Variants in CNOT4 observed in about 807,000 individuals in gnomAD.
The protein encoded by CNOT4 is CCR4-associated factor 4.
Under a neutral mutation model 73.8 loss-of-function variants are expected in CNOT4, and 8 were observed. That is an observed-to-expected ratio of 0.11 (90% CI 0.06 to 0.20). The LOEUF (loss-of-function observed/expected upper bound fraction) is 0.20. Among genes scored for constraint, CNOT4 ranks in the 10% least tolerant of loss-of-function variants. The probability of loss-of-function intolerance (pLI) is 1.00; values close to 1 mark genes in which losing one functional copy is unlikely to be tolerated. For missense variants in CNOT4, 564 were observed against 883.4 expected, an observed-to-expected ratio of 0.64 and a Z score of 4.58; for synonymous variants, 293 against 321.1, an observed-to-expected ratio of 0.91 and a Z score of 0.94.
chr7:135,391,546 T>C (rs985414703), intron 10 of CNOT4, among the ~76,000 whole-genome samples: 1 of 151,656 alleles, frequency 6.6e-6, no homozygotes, highest in African/African-American at 2.4e-5. Context: ...AAAAAAAAGG[T>C]TTTAATGCTC....
intron 1 of CNOT4, among the ~76,000 whole-genome samples, chr7:135,456,273 T>C (rs1009435492): frequency 1.3e-5 from 2 of 152,164 alleles, no homozygotes; most frequent in African/African-American, 4.8e-5. Context: ...TCTACCATTC[T>C]CTCATGCCTC....
intron 10 of CNOT4, among the ~76,000 whole-genome samples, chr7:135,374,641 TC>T (rs1795417055): frequency 5.7e-5 from 1 of 17,574 alleles, no homozygotes; most frequent in African/African-American, 1.2e-4. Context: ...AAATTAAAAC[TC>T]TTAACATTCT....
intron 1 of CNOT4, among the ~76,000 whole-genome samples, chr7:135,496,548 A>T (rs1019505260): frequency 6.6e-6 from 1 of 152,008 alleles, no homozygotes; most frequent in Non-Finnish European, 1.5e-5. Context: ...CGAACTTCGT[A>T]TTGGACTATG....
intron 10 of CNOT4, chr7:135,387,477 C>T (rs953228726): frequency 1.7e-5 from 17 of 979,910 alleles, no homozygotes; most frequent in Non-Finnish European, 1.9e-5. Context: ...TAAGTACCAT[C>T]TCCTAATAAC....
At chr7:135,422,842 C>A (rs1716093273) in intron 2 of CNOT4, among the ~76,000 whole-genome samples, 1 of 152,154 alleles carries the variant, frequency 6.6e-6, no homozygotes, top group African/African-American at 2.4e-5. Flanking sequence ...AGTAATCTCT[C>A]AGTATAATAC....
chr7:135,453,744 T>C (rs991038250), intron 1 of CNOT4, among the ~76,000 whole-genome samples: 2 of 145,672 alleles, frequency 1.4e-5, no homozygotes, highest in African/African-American at 2.5e-5. Flanking sequence ...ATATATGTTA[T>C]ATTATATATA....
At chr7:135,445,645 ATAAG>A (rs1406704205) in intron 1 of CNOT4, among the ~76,000 whole-genome samples, 13 of 152,230 alleles carry the variant, frequency 8.5e-5, no homozygotes, top group African/African-American at 2.7e-4. Context: ...ATATAAAACT[ATAAG>A]TAATAAATTG....
Position 135,364,514 on chromosome 7 carries a change from TG to T in CNOT4, c.1628-449del, listed in dbSNP as rs1363885031. ...CACAAATGGAAGAAAAGTCATTTTATGAAGAATAAACATAAGCAATAGAAAA... is the reference window on the plus strand; with the variant it reads ...CACAAATGGAAGAAAAGTCATTTTATAAGAATAAACATAAGCAATAGAAAA... On this transcript the variant is annotated intron_variant, in intron 10 of 11. Coordinates refer to ENST00000541284, the MANE Select transcript of CNOT4 (RefSeq NM_001190850.2). This position sits in a 1 kb window ranked among gnomAD's most constrained non-coding sequence, Gnocchi z 4.3. Among the ~76,000 whole-genome samples, 1 of 152,260 alleles carries T rather than the reference TG, an allele frequency of 6.6e-6. No individual in the cohort carries two copies. Among genetic ancestry groups the T allele is most frequent in the Non-Finnish European group, 1.5e-5 (1 of 68,040 alleles).
chr7:135,421,478 C>G (rs866023049), intron 3 of CNOT4, among the ~76,000 whole-genome samples: 4 of 152,090 alleles, frequency 2.6e-5, no homozygotes, highest in African/African-American at 9.7e-5. Context: ...TAAAAATTAC[C>G]AGATGCATAT....
At chr7:135,376,247 A>G (rs1795512951) in intron 10 of CNOT4, among the ~76,000 whole-genome samples, 1 of 152,022 alleles carries the variant, frequency 6.6e-6, no homozygotes, top group South Asian at 2.1e-4. Context: ...TCAACCATCA[A>G]TTTTCCTTCC....
rs184302195 is a variant in CNOT4, at chr7:135,403,364, A to G, written c.822-5138T>C. Among the ~76,000 whole-genome samples, 111 of 152,352 alleles carry G rather than the reference A, an allele frequency of 7.3e-4. 2 individuals are homozygous for G. The highest frequency in any genetic ancestry group is 7.1e-3 in the Admixed American group (109 of 15,306). On this transcript the variant is annotated intron_variant, in intron 7 of 11. Coordinates refer to ENST00000541284, the MANE Select transcript of CNOT4 (RefSeq NM_001190850.2). ...CAACAGGTAAAACTTGCCTTTACAG[A>G]ATATACTTTGACACAGGCTTCAAAT...
At chr7:135,414,082 T>C (rs1797719610) in intron 5 of CNOT4, among the ~76,000 whole-genome samples, 1 of 152,022 alleles carries the variant, frequency 6.6e-6, no homozygotes, top group African/African-American at 2.4e-5. Context: ...CAAAATAAGA[T>C]ATATGTAAAA....
At chr7:135,485,936 C>G (rs1449708626) in intron 1 of CNOT4, among the ~76,000 whole-genome samples, 17 of 152,124 alleles carry the variant, frequency 1.1e-4, no homozygotes, top group Non-Finnish European at 1.5e-5. Flanking sequence ...CTATACTGAA[C>G]CTCATCAAAA....
At chr7:135,389,936 A>T (rs1426577993) in intron 10 of CNOT4, among the ~76,000 whole-genome samples, 2 of 152,196 alleles carry the variant, frequency 1.3e-5, no homozygotes, top group Non-Finnish European at 2.9e-5. Flanking sequence ...AAAGATTCTT[A>T]TAAACCCCAA....
chr7:135,439,892 G>A (rs1799370982), intron 1 of CNOT4, among the ~76,000 whole-genome samples: 2 of 151,920 alleles, frequency 1.3e-5, no homozygotes, highest in Non-Finnish European at 2.9e-5. Context: ...GGGACACTGG[G>A]CTATCCATTT....
At chr7:135,468,160 G>A (rs968175499) in intron 1 of CNOT4, among the ~76,000 whole-genome samples, 3 of 151,906 alleles carry the variant, frequency 2.0e-5, no homozygotes, top group Non-Finnish European at 2.9e-5. Context: ...AGCTTGCAGT[G>A]AGCAAAGATG....
chr7:135,468,576 G>A (rs1801371718), intron 1 of CNOT4, among the ~76,000 whole-genome samples: 1 of 151,590 alleles, frequency 6.6e-6, no homozygotes, highest in Non-Finnish European at 1.5e-5. Flanking sequence ...AGCTACTCAG[G>A]AGCCTGAGAC....
chr7:135,423,738 T>G (rs989192356), intron 2 of CNOT4, among the ~76,000 whole-genome samples: 7 of 152,142 alleles, frequency 4.6e-5, no homozygotes, highest in African/African-American at 1.7e-4. Flanking sequence ...CCTTAACAGT[T>G]TGGTAGGATG....
chr7:135,444,458 G>A (rs978808189), intron 1 of CNOT4: 46 of 776,538 alleles, frequency 5.9e-5, no homozygotes, highest in Non-Finnish European at 9.3e-5. Flanking sequence ...ACGAGATGGC[G>A]GTTCTCTGGA....
Sources: allele counts gnomAD v4.1 joint callset (sites outside exome capture counted in the v4.1 genomes callset), GRCh38; gene constraint gnomAD v4.1.1; non-coding constraint Gnocchi (gnomAD v3.1); transcripts MANE v1.5; gene names NCBI Gene and HGNC (gene_info 2026-07-23, HGNC 2026-07-21).